DIP2B: variants seen among roughly 807,000 people sequenced by gnomAD.
The protein encoded by DIP2B is disco-interacting protein 2 homolog B.
In DIP2B, 76 loss-of-function variants were observed where a neutral mutation model predicts 198.0. That is an observed-to-expected ratio of 0.38 (90% CI 0.32 to 0.46). The LOEUF (loss-of-function observed/expected upper bound fraction) is 0.46. Ranked by LOEUF, DIP2B falls within the 20% of genes least tolerant of loss-of-function variation. The pLI is 0.99. For synonymous variants in DIP2B, 701 were observed against 739.1 expected (o/e 0.95, Z 0.84); for missense variants, 1,559 against 1,978.4 (o/e 0.79, Z 4.02).
At chr12:50,593,512 A>C (rs1023047342) in intron 1 of DIP2B, among the ~76,000 whole-genome samples, 8 of 151,522 alleles carry the variant, frequency 5.3e-5, no homozygotes, top group South Asian at 2.1e-4. Flanking sequence ...TCAAAACAAA[A>C]AAAAAAAAGG....
intron 1 of DIP2B, among the ~76,000 whole-genome samples, chr12:50,568,124 G>A (rs1958581892): frequency 6.6e-6 from 1 of 152,118 alleles, no homozygotes; most frequent in Non-Finnish European, 1.5e-5. Context: ...TGTTTGCTCT[G>A]CTGTTTGACT....
chr12:50,521,254 A>C (rs147923828), intron 1 of DIP2B, among the ~76,000 whole-genome samples: 195 of 149,768 alleles, frequency 1.3e-3, no homozygotes, highest in Non-Finnish European at 1.8e-3. Flanking sequence ...TTACAGGCGC[A>C]CACCCCCACA....
chr12:50,528,935 G>A (rs980855078), intron 1 of DIP2B, among the ~76,000 whole-genome samples: 2 of 152,228 alleles, frequency 1.3e-5, no homozygotes, highest in Non-Finnish European at 2.9e-5. Context: ...TGAACTTGGT[G>A]AGAGTGGTTT....
intron 35 of DIP2B, 132 bp downstream of exon 35, chr12:50,737,242 G>T: frequency 2.6e-6 from 2 of 782,070 alleles, no homozygotes; most frequent in South Asian, 1.8e-5. Context: ...TTTCTGTAAG[G>T]CATGAGACTG....
intron 30 of DIP2B, 149 bp downstream of exon 30, chr12:50,728,827 AGTTT>A: frequency 2.6e-6 from 3 of 1,164,770 alleles, no homozygotes. Flanking sequence ...GTGTCTCTGA[AGTTT>A]GTTTAAAAAC....
At chr12:50,599,926 A>G (rs1234984606) in intron 1 of DIP2B, among the ~76,000 whole-genome samples, 1 of 152,222 alleles carries the variant, frequency 6.6e-6, no homozygotes. Context: ...ATTTATGACA[A>G]CAGTTCTCTA....
At chr12:50,708,155 G>A (rs1203502294) in intron 21 of DIP2B, among the ~76,000 whole-genome samples, 1 of 151,158 alleles carries the variant, frequency 6.6e-6, no homozygotes, top group Non-Finnish European at 1.5e-5. Context: ...TTGCAACATG[G>A]CATTATTCTG....
chr12:50,571,312 C>T (rs747136858), intron 1 of DIP2B, among the ~76,000 whole-genome samples: 12 of 151,652 alleles, frequency 7.9e-5, no homozygotes, highest in Non-Finnish European at 1.3e-4. Flanking sequence ...GCTGGGACTA[C>T]GGGTGTGCGC....
chr12:50,646,691 G>C (rs1938356895), intron 3 of DIP2B, among the ~76,000 whole-genome samples: 1 of 152,118 alleles, frequency 6.6e-6, no homozygotes. Context: ...CAATGTGCTG[G>C]GATTACAGGT....
Position 50,674,565 on chromosome 12 carries a change from C to G in DIP2B, c.732C>G (p.Pro244=), listed in dbSNP as rs556670840. The change falls in exon 6 of 38, where the codon CCC becomes CCG. Residue 244 remains proline (P), a synonymous_variant. Coordinates refer to ENST00000301180, the MANE Select transcript of DIP2B (RefSeq NM_173602.3). ...GCCCAGCAAACATTGACCTGCCCCC[C>G]TCGGGGATAGTTAAAGGCATGCACA... ...SIRPANIDLP[P]SGIVKGMHKG... The G allele has an allele frequency of 5.0e-6, 8 of 1,614,122 alleles. No individual in the cohort carries two copies. Among genetic ancestry groups the G allele is most frequent in the African/African-American group, 4.0e-5 (3 of 74,938 alleles).
intron 30 of DIP2B, 145 bp from the exon 31 acceptor site, chr12:50,731,224 C>T (rs1350331408): frequency 6.0e-6 from 6 of 1,000,108 alleles, no homozygotes; most frequent in Non-Finnish European, 7.0e-6. Flanking sequence ...TGCATAGGAA[C>T]AAGACTGATT....
rs568999452 is a variant in DIP2B, at chr12:50,662,103, C to T, written c.427+1784C>T. Among the ~76,000 whole-genome samples the T allele has an allele frequency of 4.6e-5, 7 of 152,286 alleles. No homozygotes were observed. In the South Asian group the frequency reaches 8.3e-4, roughly 18 times the overall value. On this transcript the variant is annotated intron_variant, in intron 4 of 37. Coordinates refer to ENST00000301180, the MANE Select transcript of DIP2B (RefSeq NM_173602.3). Reference sequence around the variant, plus strand: ...TGTTCTCCTCTGTCTGCAGCCTTGACGTTGTGGCCTAATGTTCTTGATCAT... The same window carrying T: ...TGTTCTCCTCTGTCTGCAGCCTTGATGTTGTGGCCTAATGTTCTTGATCAT...
At chr12:50,576,399 AAAAC>A (rs1344380552) in intron 1 of DIP2B, among the ~76,000 whole-genome samples, 5 of 149,800 alleles carry the variant, frequency 3.3e-5, no homozygotes, top group African/African-American at 9.9e-5. Context: ...ATGCTTGTTT[AAAAC>A]AAACAAATAT....
chr12:50,579,547 G>C (rs1308465077), intron 1 of DIP2B, among the ~76,000 whole-genome samples: 1 of 141,920 alleles, frequency 7.0e-6, no homozygotes, highest in African/African-American at 2.6e-5. Flanking sequence ...GGGAGGTGGA[G>C]GTTGCAGTGA....
intron 1 of DIP2B, among the ~76,000 whole-genome samples, chr12:50,568,618 C>T (rs545077626): frequency 6.6e-6 from 1 of 152,230 alleles, no homozygotes; most frequent in African/African-American, 2.4e-5. Flanking sequence ...AGGCAGGAAA[C>T]TCAGTGGAAT....
rs779170137 is a variant in DIP2B at position 50,698,980 on chromosome 12, CT to C, written c.2189-83del. 333 of 1,503,528 alleles carry C rather than the reference CT, an allele frequency of 2.2e-4. 2 individuals are homozygous for C. Among genetic ancestry groups the C allele is most frequent in the Non-Finnish European group, 2.2e-4 (244 of 1,109,962 alleles). The allele number at this position is 1,503,528 out of a possible 1,614,324, so 93.1% of individuals were successfully genotyped here. On this transcript the variant is annotated intron_variant, in intron 18 of 37. Transcript: ENST00000301180. ...TTAATGCCACTCAGTAAAGGCAGGA[CT>C]TTCTTGGGTTCACAGGATGAAGCTG...
chr12:50,685,918 T>A lies in DIP2B; in HGVS notation c.1403T>A (p.Leu468Gln). The A allele has an allele frequency of 6.2e-7, 1 of 1,614,050 alleles. No individual in the cohort carries two copies. Among genetic ancestry groups the A allele is most frequent in the South Asian group, 1.1e-5 (1 of 91,076 alleles). Residue 468 changes from leucine to glutamine, a missense_variant, in exon 11 of 38, where the codon CTG (leucine) becomes CAG (glutamine). Leu to Gln is a moderately radical substitution (Grantham distance 113). Coordinates refer to ENST00000301180, the MANE Select transcript of DIP2B (RefSeq NM_173602.3). ...ACCAGTGAAGTTTGTCTAAAAGGAC[T>A]GCCAAAAACCCAGAATGGAGAAATT... ...ALTSEVCLKGLPKTQNGEIVQ... is the reference protein window; with the variant it reads ...ALTSEVCLKGQPKTQNGEIVQ...
chr12:50,509,515 C>G (rs1386227093), intron 1 of DIP2B, among the ~76,000 whole-genome samples: 33 of 152,180 alleles, frequency 2.2e-4, no homozygotes, highest in Admixed American at 2.0e-3. Context: ...TGAGTACAAA[C>G]AGTAAACATA....
intron 3 of DIP2B, among the ~76,000 whole-genome samples, chr12:50,649,686 T>C (rs556758833): frequency 2.1e-4 from 32 of 152,124 alleles, no homozygotes; most frequent in Admixed American, 3.9e-4. Flanking sequence ...AAACTCCATC[T>C]CTACTAAAAA....
Sources: gnomAD v4.1 joint callset for allele counts (sites outside exome capture counted in the v4.1 genomes callset) on GRCh38, gnomAD v4.1.1 for gene constraint, MANE v1.5 for transcripts, NCBI Gene and HGNC (gene_info 2026-07-23, HGNC 2026-07-21) for gene names.